Variants in AK5 observed in about 807,000 individuals in gnomAD.
The protein encoded by AK5 is adenylate kinase 5, also known as adenylate kinase isoenzyme 5.
Under a neutral mutation model 69.5 loss-of-function variants are expected in AK5, and 27 were observed. That is an observed-to-expected ratio of 0.39 (90% CI 0.29 to 0.54). The LOEUF is 0.54. Ranked by LOEUF, AK5 falls within the 20% of genes least tolerant of loss-of-function variation. AK5 has a pLI of 0.71. For missense variants in AK5, 531 were observed against 700.4 expected (o/e 0.76, Z 2.73); for synonymous variants, 260 against 244.4 (o/e 1.06, Z -0.60).
At chr1:77,393,406 T>C (rs1044371288) in intron 6 of AK5, among the ~76,000 whole-genome samples, 2 of 152,290 alleles carry the variant, frequency 1.3e-5, no homozygotes, top group East Asian at 1.9e-4. Flanking sequence ...TAGGCACAGA[T>C]TGGGACAATT....
rs1297419668 is a variant in AK5, at chr1:77,475,179, ATATATATATATATATATG to A, written c.1060-8136_1060-8119del. Among the ~76,000 whole-genome samples, 19 of 7,080 alleles carry A rather than the reference ATATATATATATATATATG, an allele frequency of 2.7e-3. No individual in the cohort carries two copies. The Admixed American group carries it at 0.033, about 12-fold the overall frequency. The allele number at this position is 7,080 out of a possible 152,430, so 4.6% of individuals were successfully genotyped here. ...TGTGTGTGTGCATGTATATATATAT[ATATATATATATATATATG>A]TGTGTGTGTGTGTGTGTATTCTATA... is the stretch of plus-strand genomic sequence containing the variant. On this transcript the variant is annotated intron_variant, in intron 8 of 13. Coordinates refer to ENST00000354567, the MANE Select transcript of AK5 (RefSeq NM_174858.3).
At chr1:77,519,289 T>TAC (rs1379285505) in intron 11 of AK5, among the ~76,000 whole-genome samples, 2 of 152,208 alleles carry the variant, frequency 1.3e-5, no homozygotes, top group African/African-American at 4.8e-5. Flanking sequence ...GGCCGTATGA[T>TAC]ACAGTCTCTG....
Position 77,391,453 on chromosome 1 carries a change from G to GTATATA in AK5, c.892-19521_892-19516dup, listed in dbSNP as rs559412062. On this transcript the variant is annotated intron_variant, in intron 6 of 13. Transcript: ENST00000354567. ...TATACATATATACATATATGTGTGT[G>GTATATA]TATATATATATACACATATGTGTGT... is the stretch of plus-strand genomic sequence containing the variant. Among the ~76,000 whole-genome samples the GTATATA allele has an allele frequency of 4.1e-5, 5 of 122,760 alleles. No individual in the cohort carries two copies. In the East Asian group the frequency reaches 1.0e-3, roughly 26 times the overall value. 80.5% of individuals were successfully genotyped at this position (122,760 alleles called of 152,430 possible).
chr1:77,431,093 T>C (rs1423347545), intron 8 of AK5, among the ~76,000 whole-genome samples: 1 of 152,114 alleles, frequency 6.6e-6, no homozygotes, highest in Admixed American at 6.6e-5. Flanking sequence ...GTATATTTAA[T>C]GGTGGGAAGT....
chr1:77,538,041 G>T (rs138928319), intron 13 of AK5, among the ~76,000 whole-genome samples: 1 of 152,050 alleles, frequency 6.6e-6, no homozygotes, highest in Non-Finnish European at 1.5e-5. Flanking sequence ...TAAAGACTTC[G>T]ATCTTTAATA....
At chr1:77,518,874 G>A in intron 11 of AK5, 147 bp downstream of exon 11, 2 of 794,296 alleles carry the variant, frequency 2.5e-6, no homozygotes, top group Non-Finnish European at 3.9e-6. Context: ...CAATCCAGAT[G>A]CAGGCAGGTC....
chr1:77,391,998 C>T (rs4949800), intron 6 of AK5, among the ~76,000 whole-genome samples: 114,721 of 152,098 alleles, frequency 0.75, 43,406 homozygotes, highest in East Asian at 0.84. Flanking sequence ...TGGACAGGTA[C>T]GTAGACTCCA....
rs1255321392 is a variant in AK5, at chr1:77,511,797, A to C, written c.1148-6767A>C. Reference sequence around the variant, plus strand: ...AGGTTCCATAGAACTGAAGTAGGGCAAAGGATTCAAAGTTGCTAGAAAGGG... The same window carrying C: ...AGGTTCCATAGAACTGAAGTAGGGCCAAGGATTCAAAGTTGCTAGAAAGGG... On this transcript the variant is annotated intron_variant, in intron 10 of 13. Coordinates refer to ENST00000354567, the MANE Select transcript of AK5 (RefSeq NM_174858.3). Among the ~76,000 whole-genome samples, 9 of 152,340 alleles carry C rather than the reference A, an allele frequency of 5.9e-5. No individual in the cohort carries two copies. In the East Asian group the frequency reaches 1.7e-3, roughly 29 times the overall value.
intron 12 of AK5, among the ~76,000 whole-genome samples, chr1:77,526,532 G>A (rs538603204): frequency 1.3e-4 from 18 of 136,262 alleles, no homozygotes; most frequent in South Asian, 4.7e-4. Context: ...CTGGAGTGCC[G>A]TGGTGCGATC....
At chr1:77,432,749 CT>C (rs1487467608) in intron 8 of AK5, among the ~76,000 whole-genome samples, 1 of 151,962 alleles carries the variant, frequency 6.6e-6, no homozygotes, top group African/African-American at 2.4e-5. Context: ...GAAGCGTAGA[CT>C]TTTTTTTATT....
intron 8 of AK5, among the ~76,000 whole-genome samples, chr1:77,470,858 TATATA>T (rs1654446274): frequency 1.2e-3 from 11 of 9,238 alleles, no homozygotes; most frequent in African/African-American, 4.5e-3. Flanking sequence ...TATATATATA[TATATA>T]TATATATATA....
chr1:77,411,211 T>C (rs6703133), intron 7 of AK5, 140 bp downstream of exon 7: 46,850 of 677,280 alleles, frequency 0.069, 2,245 homozygotes, highest in African/African-American at 0.16. Flanking sequence ...GGTATAAAAA[T>C]AAAAGTATAA....
chr1:77,449,419 A>G (rs1652997049), intron 8 of AK5, among the ~76,000 whole-genome samples: 1 of 152,112 alleles, frequency 6.6e-6, no homozygotes, highest in Admixed American at 6.5e-5. Flanking sequence ...AATTTCTCCC[A>G]TTTGGAATGG....
chr1:77,480,170 T>A lies in AK5; in HGVS notation c.1060-3147T>A, dbSNP rs368066402. Among the ~76,000 whole-genome samples, 67 of 152,100 alleles carry A rather than the reference T, an allele frequency of 4.4e-4. No individual in the cohort carries two copies. In the East Asian group the frequency reaches 4.8e-3, roughly 11 times the overall value. On this transcript the variant is annotated intron_variant, in intron 8 of 13. Coordinates refer to ENST00000354567, the MANE Select transcript of AK5 (RefSeq NM_174858.3). ...TGTGTGTGTGTGTAAGATGCCAGAT[T>A]AATTTTGTTTACAAAATATTCACAT...
intron 8 of AK5, among the ~76,000 whole-genome samples, chr1:77,462,217 G>C (rs1157807827): frequency 6.6e-6 from 1 of 152,166 alleles, no homozygotes; most frequent in Non-Finnish European, 1.5e-5. Flanking sequence ...ACAAGAAAGT[G>C]ATCAAGCCAA....
chr1:77,435,644 C>CAAAAAAAAAAAA (rs1202203579), intron 8 of AK5, among the ~76,000 whole-genome samples: 5 of 66,078 alleles, frequency 7.6e-5, no homozygotes, highest in African/African-American at 2.8e-4. Context: ...GACTCTGTCT[C>CAAAAAAAAAAAA]AAAAAAAAAA....
intron 6 of AK5, among the ~76,000 whole-genome samples, chr1:77,408,916 T>C (rs764335213): frequency 3.9e-4 from 59 of 152,286 alleles, no homozygotes; most frequent in Non-Finnish European, 7.2e-4. Context: ...CTCCTCCTAC[T>C]CTCCCCGCTC....
At chr1:77,291,020 T>G (rs147974996) in intron 2 of AK5, among the ~76,000 whole-genome samples, 4 of 152,298 alleles carry the variant, frequency 2.6e-5, no homozygotes, top group Non-Finnish European at 4.4e-5. Flanking sequence ...AGAGGTGATG[T>G]GCTTATACTT....
rs745816301 is a variant in AK5 at position 77,535,837 on chromosome 1, C to G, written c.1429-10C>G. The stretch of plus-strand genomic sequence containing the variant: ...TTTCTGACTGTGTTGTGCTCCACTC[C>G]CATCTCCAGATTGGAGACCCACAGT... On this transcript the variant is annotated splice_polypyrimidine_tract_variant and intron_variant, in intron 12 of 13. Coordinates refer to ENST00000354567, the MANE Select transcript of AK5 (RefSeq NM_174858.3). 6.2e-7 allele frequency: 1 copy of G among 1,610,008 alleles called. No homozygotes were observed. The highest frequency in any genetic ancestry group is 8.5e-7 in the Non-Finnish European group (1 of 1,177,868).
Sources: gnomAD v4.1 joint callset for allele counts (sites outside exome capture counted in the v4.1 genomes callset) on GRCh38, gnomAD v4.1.1 for gene constraint, MANE v1.5 for transcripts, NCBI Gene and HGNC (gene_info 2026-07-23, HGNC 2026-07-21) for gene names.